The following AKAP8 variants were observed in gnomAD, a reference collection of about 807,000 sequenced individuals.
AKAP8 encodes the protein A-kinase anchoring protein 8, also known as A-kinase anchor protein 8.
A neutral mutation model predicts 67.5 loss-of-function variants in AKAP8; 24 were observed. The observed-to-expected ratio is 0.36, with a 90% CI of 0.26 to 0.50. The LOEUF (loss-of-function observed/expected upper bound fraction) is 0.50. Ranked by LOEUF, AKAP8 falls within the 20% of genes least tolerant of loss-of-function variation. The pLI, the probability that AKAP8 is intolerant of heterozygous loss-of-function variation, is 0.97. For missense variants in AKAP8, 971 were observed against 955.9 expected, an observed-to-expected ratio of 1.02 and a Z score of -0.21; for synonymous variants, 400 against 371.1, an observed-to-expected ratio of 1.08 and a Z score of -0.90.
intron 13 of AKAP8, among the ~76,000 whole-genome samples, chr19:15,357,705 CCT>C (rs1046029142): frequency 3.3e-5 from 5 of 150,682 alleles, no homozygotes; most frequent in African/African-American, 4.9e-5. Flanking sequence ...ATGTTTCCTC[CCT>C]CTTTTTTTTT....
At chr19:15,370,064 C>A in intron 8 of AKAP8, 82 bp downstream of exon 8, 2 of 1,564,904 alleles carry the variant, frequency 1.3e-6, no homozygotes, top group South Asian at 2.2e-5. Context: ...ATCCAGGCCC[C>A]TGGCTTGCTC....
chr19:15,375,700 G>A (rs942414548), intron 2 of AKAP8, among the ~76,000 whole-genome samples: 10 of 149,768 alleles, frequency 6.7e-5, no homozygotes, highest in South Asian at 2.1e-4. Flanking sequence ...GCAGTGGCGC[G>A]ATCTCGGCTC....
chr19:15,354,340 T>C lies in AKAP8; in HGVS notation c.*575A>G, dbSNP rs1226876375. ...TGCGGTGGGTGTGTTTCCAGTGGCGTAGGTCGGTCAGATACTTCTGGCCTT... is the reference window on the plus strand; with the variant it reads ...TGCGGTGGGTGTGTTTCCAGTGGCGCAGGTCGGTCAGATACTTCTGGCCTT... On this transcript the variant is annotated 3_prime_UTR_variant, in exon 14 of 14. Transcript: ENST00000269701. 1 of 155,942 alleles carries C rather than the reference T, an allele frequency of 6.4e-6. No individual in the cohort carries two copies. Among genetic ancestry groups the C allele is most frequent in the African/African-American group, 2.4e-5 (1 of 41,414 alleles). 9.7% of individuals were successfully genotyped at this position (155,942 alleles called of 1,614,324 possible). A position where few individuals can be genotyped will look rare whatever the true frequency, so the allele number is the denominator to read the frequency against.
intron 9 of AKAP8, among the ~76,000 whole-genome samples, chr19:15,363,611 G>A (rs1414598781): frequency 2.0e-5 from 3 of 151,636 alleles, no homozygotes; most frequent in Non-Finnish European, 4.4e-5. Flanking sequence ...CCCCTACTGG[G>A]AAGTGAGGAG....
Position 15,373,020 on chromosome 19 carries a change from C to T in AKAP8, c.692G>A (p.Gly231Asp), listed in dbSNP as rs561267299. The T allele has an allele frequency of 7.6e-6, 12 of 1,581,972 alleles. No homozygotes were observed. The South Asian group carries it at 1.3e-4, about 16-fold the overall frequency. ...GGAGGGCCCTCCCAGGCCCCGTCCA[C>T]CCACGTAGTTCAGCTCGTTCCAGGG... ...STPWNELNYVGGRGLGGPSPS... is the reference protein window; with the variant it reads ...STPWNELNYVDGRGLGGPSPS... The change falls in exon 5 of 14, where the codon GGT (glycine) becomes GAT (aspartate). Residue 231 changes from glycine (G) to aspartate (D), a missense_variant. By Grantham distance (94) the Gly-to-Asp change is moderately conservative. Transcript: ENST00000269701.
At chr19:15,356,588 TC>T (rs2048280215) in intron 13 of AKAP8, among the ~76,000 whole-genome samples, 1 of 151,012 alleles carries the variant, frequency 6.6e-6, no homozygotes, top group Non-Finnish European at 1.5e-5. Context: ...ACGTGGCGAA[TC>T]AAGATTCAAA....
intron 9 of AKAP8, among the ~76,000 whole-genome samples, chr19:15,364,930 C>G (rs1038031699): frequency 6.6e-6 from 1 of 152,230 alleles, no homozygotes; most frequent in African/African-American, 2.4e-5. Context: ...GGGAAAGTGG[C>G]TGCTGAACCA....
In AKAP8 at chr19:15,376,852, C is replaced by G; in HGVS notation, c.58+124G>C. 2.7e-6 allele frequency: 3 copies of G among 1,118,094 alleles called. 1 individual carries two copies. The highest frequency in any genetic ancestry group is 3.9e-6 in the Non-Finnish European group (3 of 769,380). 69.3% of individuals were successfully genotyped at this position (1,118,094 alleles called of 1,614,324 possible). A position where few individuals can be genotyped will look rare whatever the true frequency, so the allele number is the denominator to read the frequency against. ...GCCACAAAGATATTCACTATCTGAT[C>G]TTTTACACAAAGTTTGCTGACCCCT... On this transcript the variant is annotated intron_variant, in intron 2 of 13. Coordinates refer to ENST00000269701, the MANE Select transcript of AKAP8 (RefSeq NM_005858.4).
At position 15,360,731 on chromosome 19, in the gene AKAP8, T is replaced by C. The variant is rs115065810; in HGVS notation, c.1527+117A>G. 3,901 of 1,290,080 alleles carry C rather than the reference T, an allele frequency of 3.0e-3. 81 individuals are homozygous for C. The African/African-American group carries it at 0.052, about 17-fold the overall frequency. The allele number at this position is 1,290,080 out of a possible 1,614,324, so 79.9% of individuals were successfully genotyped here. On this transcript the variant is annotated intron_variant, in intron 12 of 13. Coordinates refer to ENST00000269701, the MANE Select transcript of AKAP8 (RefSeq NM_005858.4). ...TCTTACGACCCATCGATGGAAGTGA[T>C]AGACTTGAAACATAGCAAGAACCCC...
At chr19:15,355,391 G>T in intron 13 of AKAP8, 21 bp from the exon 14 acceptor site, 1 of 1,597,900 alleles carries the variant, frequency 6.3e-7, no homozygotes, top group South Asian at 1.1e-5. Context: ...AGGAAACACC[G>T]GTCAGCGTGG....
At chr19:15,359,653 G>A (rs190692135) in intron 12 of AKAP8, among the ~76,000 whole-genome samples, 1 of 152,258 alleles carries the variant, frequency 6.6e-6, no homozygotes, top group Admixed American at 6.5e-5. Context: ...GTTGCAATCA[G>A]CTGAGATTGT....
intron 4 of AKAP8, 146 bp downstream of exon 4, chr19:15,373,640 A>T (rs1201777694): frequency 9.2e-7 from 1 of 1,090,260 alleles, no homozygotes; most frequent in Non-Finnish European, 1.3e-6. Flanking sequence ...CTGTAACATC[A>T]CTGACCCCCC....
chr19:15,366,299 GATT>G (rs948628762), intron 9 of AKAP8, among the ~76,000 whole-genome samples: 1 of 151,724 alleles, frequency 6.6e-6, no homozygotes, highest in Non-Finnish European at 1.5e-5. Flanking sequence ...CTCTTTATTA[GATT>G]ATTTAAGTTT....
intron 5 of AKAP8, 53 bp downstream of exon 5, chr19:15,372,798 A>G (rs1397986394): frequency 6.1e-6 from 9 of 1,472,122 alleles, no homozygotes; most frequent in Non-Finnish European, 8.1e-6. Context: ...ACCTCAATAA[A>G]GCTGCTAAAA....
chr19:15,377,693 C>T (rs531294779), intron 1 of AKAP8, among the ~76,000 whole-genome samples: 2 of 152,280 alleles, frequency 1.3e-5, no homozygotes, highest in Non-Finnish European at 2.9e-5. Context: ...TGGTCTCGAT[C>T]TCCTGACCTC....
At chr19:15,358,324 C>T (rs1966911549) in intron 13 of AKAP8, among the ~76,000 whole-genome samples, 2 of 152,096 alleles carry the variant, frequency 1.3e-5, no homozygotes, top group Admixed American at 1.3e-4. Flanking sequence ...CTCTTTTTAG[C>T]TTCTCTCCTG....
At position 15,374,649 on chromosome 19, in the gene AKAP8, G is replaced by C. The variant is rs1407702426; in HGVS notation, c.59-14C>G. ...TTCCATATGCACCTTAGGGGAAACAGAAACACACAAGAGCCCTGTTTGCAG... is the reference window on the plus strand; with the variant it reads ...TTCCATATGCACCTTAGGGGAAACACAAACACACAAGAGCCCTGTTTGCAG... On this transcript the variant is annotated splice_polypyrimidine_tract_variant and intron_variant, in intron 2 of 13. Transcript: ENST00000269701. 1.9e-6 allele frequency: 3 copies of C among 1,612,838 alleles called. No individual in the cohort carries two copies. The highest frequency in any genetic ancestry group is 1.3e-5 in the African/African-American group (1 of 74,800).
Position 15,354,930 on chromosome 19 carries a change from A to G in AKAP8, c.2064T>C (p.Ala688=), listed in dbSNP as rs1173414823. The change falls in exon 14 of 14, where the codon GCT becomes GCC. Residue 688 remains alanine, a synonymous_variant. Transcript: ENST00000269701. ...GAAATGAGCATCATTCTGTGGGAACAGCGTCTTTAGACTCTGCATCAGTTT... is the reference window on the plus strand; with the variant it reads ...GAAATGAGCATCATTCTGTGGGAACGGCGTCTTTAGACTCTGCATCAGTTT... ...VEQTDAESKD[A]VPTE is the part of the protein sequence containing the mutation. 2 of 1,613,824 alleles carry G rather than the reference A, an allele frequency of 1.2e-6. No homozygotes were observed. Among genetic ancestry groups the G allele is most frequent in the Non-Finnish European group, 1.7e-6 (2 of 1,179,802 alleles).
chr19:15,365,199 T>TGGG (rs1967049665), intron 9 of AKAP8, among the ~76,000 whole-genome samples: 1 of 152,182 alleles, frequency 6.6e-6, no homozygotes, highest in Non-Finnish European at 1.5e-5. Flanking sequence ...TGAGTTCCTC[T>TGGG]CTGCAGGAAC....
Sources: gnomAD v4.1 joint callset for allele counts (sites outside exome capture counted in the v4.1 genomes callset) on GRCh38, gnomAD v4.1.1 for gene constraint, MANE v1.5 for transcripts, NCBI Gene and HGNC (gene_info 2026-07-23, HGNC 2026-07-21) for gene names.